MGAT4C: variants seen among roughly 807,000 people sequenced by gnomAD.
The protein encoded by MGAT4C is MGAT4 family member C.
In MGAT4C, 19 loss-of-function variants were observed where a neutral mutation model predicts 40.1. That is an observed-to-expected ratio of 0.47 (90% CI 0.33 to 0.70). The LOEUF is 0.70. MGAT4C is among the 30% of genes least tolerant of loss of function. The probability of loss-of-function intolerance (pLI) is 0.02; values close to 1 mark genes in which losing one functional copy is unlikely to be tolerated. For missense variants in MGAT4C, 491 were observed against 563.2 expected (o/e 0.87, Z 1.30); for synonymous variants, 181 against 187.1 (o/e 0.97, Z 0.27).
chr12:86,455,631 C>T (rs1012764360), intron 2 of MGAT4C, among the ~76,000 whole-genome samples: 2 of 152,070 alleles, frequency 1.3e-5, no homozygotes, highest in African/African-American at 4.8e-5. Context: ...ACATTTACAT[C>T]TTAATGGACT....
In MGAT4C at chr12:85,964,924, G is replaced by C. The variant is rs752902126; in HGVS notation, c.*14365C>G. On this transcript the variant is annotated 3_prime_UTR_variant, in exon 5 of 5. Transcript: ENST00000611864. ...ATGTAAGATAGTGAGGCCCCAGAGAGCCCTCGAGAAATGCAAATAAACTAT... is the reference window on the plus strand; with the variant it reads ...ATGTAAGATAGTGAGGCCCCAGAGACCCCTCGAGAAATGCAAATAAACTAT... 12 of 152,114 alleles carry C rather than the reference G, an allele frequency of 7.9e-5. No individual in the cohort carries two copies. The highest frequency in any genetic ancestry group is 1.5e-4 in the Non-Finnish European group (10 of 68,020). 9.4% of individuals were successfully genotyped at this position (152,114 alleles called of 1,614,324 possible). A position where few individuals can be genotyped will look rare whatever the true frequency, so the allele number is the denominator to read the frequency against.
intron 2 of MGAT4C, among the ~76,000 whole-genome samples, chr12:85,999,876 A>G (rs1051413158): frequency 6.6e-6 from 1 of 152,120 alleles, no homozygotes; most frequent in Non-Finnish European, 1.5e-5. Flanking sequence ...GGGAGGGGAG[A>G]TGGAAGCTGG....
At chr12:86,723,113 T>C (rs776907782) in intron 2 of MGAT4C, among the ~76,000 whole-genome samples, 5 of 152,196 alleles carry the variant, frequency 3.3e-5, no homozygotes, top group Admixed American at 6.5e-5. Flanking sequence ...TTTATATCAA[T>C]TGACTAACAA....
chr12:85,978,887 C>T lies in MGAT4C; in HGVS notation c.*402G>A, dbSNP rs140747359. On this transcript the variant is annotated 3_prime_UTR_variant, in exon 5 of 5. Transcript: ENST00000611864. Reference sequence around the variant, plus strand: ...ACCCAACTGTATATTCCCACAGATGCTTAATAAAAGCTATCTGATGATATA... The same window carrying T: ...ACCCAACTGTATATTCCCACAGATGTTTAATAAAAGCTATCTGATGATATA... The T allele has an allele frequency of 7.4e-3, 1,138 of 154,734 alleles. 10 individuals carry two copies. Among genetic ancestry groups the T allele is most frequent in the Non-Finnish European group, 0.011 (770 of 69,700 alleles). The allele number at this position is 154,734 out of a possible 1,614,324, so 9.6% of individuals were successfully genotyped here.
At chr12:86,539,583 C>T (rs1959137116) in intron 2 of MGAT4C, among the ~76,000 whole-genome samples, 2 of 152,150 alleles carry the variant, frequency 1.3e-5, no homozygotes, top group African/African-American at 4.8e-5. Flanking sequence ...GTTCTAGATA[C>T]TTGAGGAATC....
intron 1 of MGAT4C, among the ~76,000 whole-genome samples, chr12:86,237,166 A>T (rs139434748): frequency 1.4e-4 from 22 of 151,842 alleles, no homozygotes; most frequent in Non-Finnish European, 3.0e-4. Context: ...ACAAACACAC[A>T]CATACAAATG....
At chr12:86,728,979 T>C (rs1950866854) in intron 1 of MGAT4C, among the ~76,000 whole-genome samples, 1 of 152,192 alleles carries the variant, frequency 6.6e-6, no homozygotes, top group Non-Finnish European at 1.5e-5. Context: ...ACATGTAGCT[T>C]TCTAGTAATA....
chr12:86,221,407 A>G (rs566016702), intron 1 of MGAT4C, among the ~76,000 whole-genome samples: 30 of 152,312 alleles, frequency 2.0e-4, no homozygotes, highest in African/African-American at 6.5e-4. Context: ...TATGTCATCA[A>G]TTGTGAATTC....
intron 1 of MGAT4C, among the ~76,000 whole-genome samples, chr12:86,774,358 C>T (rs1156925266): frequency 1.6e-3 from 25 of 15,576 alleles, no homozygotes; most frequent in Admixed American, 4.5e-3. Flanking sequence ...TCTCTCCCCT[C>T]TCTCTCTCTC....
At chr12:86,046,504 T>C (rs990756020) in intron 2 of MGAT4C, among the ~76,000 whole-genome samples, 3 of 152,052 alleles carry the variant, frequency 2.0e-5, no homozygotes, top group East Asian at 1.9e-4. Flanking sequence ...GACAACCCAA[T>C]AGCTGACTAG....
intron 2 of MGAT4C, among the ~76,000 whole-genome samples, chr12:86,611,408 G>A (rs1249320065): frequency 2.0e-5 from 3 of 151,288 alleles, no homozygotes; most frequent in Non-Finnish European, 4.4e-5. Flanking sequence ...AGGTAGGTAG[G>A]TAGGTAGGTA....
At chr12:86,767,469 C>A (rs1390104611) in intron 1 of MGAT4C, among the ~76,000 whole-genome samples, 2 of 152,134 alleles carry the variant, frequency 1.3e-5, no homozygotes, top group Admixed American at 6.6e-5. Flanking sequence ...CCTTCTGAAA[C>A]TATTCCAATC....
At chr12:86,815,980 T>A (rs1302438861) in intron 1 of MGAT4C, among the ~76,000 whole-genome samples, 1 of 151,860 alleles carries the variant, frequency 6.6e-6, no homozygotes, top group East Asian at 1.9e-4. Flanking sequence ...ACCACCTGTA[T>A]GCCAATAACT....
intron 1 of MGAT4C, among the ~76,000 whole-genome samples, chr12:86,244,823 A>G (rs1951956480): frequency 1.3e-5 from 2 of 152,192 alleles, no homozygotes; most frequent in African/African-American, 4.8e-5. Context: ...ACATGTGCCA[A>G]TGCCCAGAGG....
chr12:86,248,073 C>T (rs1260116111), intron 1 of MGAT4C, among the ~76,000 whole-genome samples: 1 of 152,154 alleles, frequency 6.6e-6, no homozygotes, highest in African/African-American at 2.4e-5. Context: ...CTCTTCACCA[C>T]TTTTAAATAG....
At chr12:86,000,190 C>A (rs1452776511) in intron 2 of MGAT4C, among the ~76,000 whole-genome samples, 1 of 151,036 alleles carries the variant, frequency 6.6e-6, no homozygotes, top group Non-Finnish European at 1.5e-5. Context: ...TAAACTAACC[C>A]CAAAGTAAGC....
intron 2 of MGAT4C, among the ~76,000 whole-genome samples, chr12:86,492,714 T>G (rs1222815844): frequency 6.6e-6 from 1 of 152,148 alleles, no homozygotes; most frequent in African/African-American, 2.4e-5. Context: ...ACCTAGGCAT[T>G]ACCATTCAGG....
At chr12:86,529,534 C>T (rs916950745) in intron 2 of MGAT4C, among the ~76,000 whole-genome samples, 6 of 151,962 alleles carry the variant, frequency 3.9e-5, no homozygotes, top group African/African-American at 7.2e-5. Context: ...ATGAACAAAT[C>T]GTTTATCATC....
intron 4 of MGAT4C, among the ~76,000 whole-genome samples, chr12:86,324,006 G>A (rs143677281): frequency 3.3e-5 from 5 of 152,008 alleles, no homozygotes; most frequent in South Asian, 2.1e-4. Context: ...AAAACTGGAA[G>A]TAAAAATGAA....
Sources: gnomAD v4.1 joint callset for allele counts (sites outside exome capture counted in the v4.1 genomes callset) on GRCh38, gnomAD v4.1.1 for gene constraint, MANE v1.5 for transcripts, NCBI Gene and HGNC (gene_info 2026-07-23, HGNC 2026-07-21) for gene names.